The following DLGAP1 variants were observed in gnomAD, a reference collection of about 807,000 sequenced individuals.
DLGAP1 encodes disks large-associated protein 1.
In DLGAP1, 11 loss-of-function variants were observed where a neutral mutation model predicts 90.8. The ratio of observed to expected loss-of-function variants is 0.12; its 90% CI spans 0.08 to 0.20. The LOEUF is 0.20. Among genes scored for constraint, DLGAP1 ranks in the 10% least tolerant of loss-of-function variants. The probability of loss-of-function intolerance (pLI) is 1.00; values close to 1 mark genes in which losing one functional copy is unlikely to be tolerated. For missense variants in DLGAP1, 1,050 were observed against 1,333.8 expected (o/e 0.79, Z 3.31); for synonymous variants, 558 against 540.7 (o/e 1.03, Z -0.44).
chr18:4,122,174 T>A (rs772418473), intron 2 of DLGAP1, among the ~76,000 whole-genome samples: 1 of 152,182 alleles, frequency 6.6e-6, no homozygotes, highest in South Asian at 2.1e-4. Context: ...TAGAGAAAGT[T>A]GCATAGACAC....
intron 9 of DLGAP1, among the ~76,000 whole-genome samples, chr18:3,551,010 G>T (rs539233352): frequency 4.3e-4 from 66 of 151,968 alleles, no homozygotes; most frequent in Non-Finnish European, 7.9e-4. Flanking sequence ...CAAAGTGCTG[G>T]GATTACAGGC....
At chr18:4,034,912 GAAA>G (rs11337288) in intron 2 of DLGAP1, among the ~76,000 whole-genome samples, 2 of 143,944 alleles carry the variant, frequency 1.4e-5, no homozygotes, top group African/African-American at 2.6e-5. Flanking sequence ...ACCACCATTT[GAAA>G]AAAAAAAAAA....
intron 7 of DLGAP1, among the ~76,000 whole-genome samples, chr18:3,652,546 C>T (rs527405925): frequency 6.6e-6 from 1 of 152,136 alleles, no homozygotes; most frequent in Non-Finnish European, 1.5e-5. Flanking sequence ...CTGTGGCTCA[C>T]GGCCGTCTTG....
At chr18:3,855,365 A>G (rs2069576556) in intron 4 of DLGAP1, among the ~76,000 whole-genome samples, 1 of 152,134 alleles carries the variant, frequency 6.6e-6, no homozygotes, top group East Asian at 1.9e-4. Context: ...AATAATCTGT[A>G]CACCAAATCC....
intron 3 of DLGAP1, among the ~76,000 whole-genome samples, chr18:3,903,493 A>T (rs1349545582): frequency 2.0e-5 from 3 of 152,270 alleles, no homozygotes; most frequent in Non-Finnish European, 4.4e-5. Flanking sequence ...TGACTAGCAC[A>T]GTATTCATGC....
At chr18:4,121,028 T>G (rs533954522) in intron 2 of DLGAP1, among the ~76,000 whole-genome samples, 120 of 151,904 alleles carry the variant, frequency 7.9e-4, no homozygotes, top group Middle Eastern at 6.8e-3. Flanking sequence ...GCAAGATGAG[T>G]TCTGGTTATG....
chr18:3,591,759 G>C (rs373551087), intron 7 of DLGAP1, among the ~76,000 whole-genome samples: 1 of 152,008 alleles, frequency 6.6e-6, no homozygotes, highest in African/African-American at 2.4e-5. Context: ...GAAGAAAGGG[G>C]GGTTTTCAAT....
At chr18:3,896,411 G>C (rs1463718969) in intron 3 of DLGAP1, 4 of 152,208 alleles carry the variant, frequency 2.6e-5, no homozygotes, top group Non-Finnish European at 4.4e-5. Context: ...TAAAAGAAAA[G>C]ATGAATATAC....
intron 7 of DLGAP1, among the ~76,000 whole-genome samples, chr18:3,609,691 CAT>C (rs1202061773): frequency 7.9e-5 from 12 of 151,766 alleles, no homozygotes; most frequent in African/African-American, 2.9e-4. Flanking sequence ...TACCCTGTGA[CAT>C]ATAGGAATTA....
intron 1 of DLGAP1, among the ~76,000 whole-genome samples, chr18:4,429,196 G>A (rs2083225013): frequency 6.6e-6 from 1 of 152,080 alleles, no homozygotes; most frequent in South Asian, 2.1e-4. Context: ...TCTCTTCCAG[G>A]ATGAGTTAGA....
At chr18:4,349,986 T>C (rs1180636566) in intron 1 of DLGAP1, among the ~76,000 whole-genome samples, 2 of 152,192 alleles carry the variant, frequency 1.3e-5, no homozygotes, top group East Asian at 1.9e-4. Flanking sequence ...TCAGTTTTCA[T>C]AGTTTAAACG....
At chr18:3,656,773 C>T (rs2146529783) in intron 7 of DLGAP1, among the ~76,000 whole-genome samples, 1 of 151,886 alleles carries the variant, frequency 6.6e-6, no homozygotes, top group East Asian at 1.9e-4. Context: ...CGCTCTGTCA[C>T]CCAGGCTGGA....
chr18:4,404,641 T>C (rs1301458090), intron 1 of DLGAP1, among the ~76,000 whole-genome samples: 4 of 152,248 alleles, frequency 2.6e-5, no homozygotes, highest in Non-Finnish European at 5.9e-5. Context: ...CTGTATTTTC[T>C]TATTCTACAT....
intron 3 of DLGAP1, among the ~76,000 whole-genome samples, chr18:3,893,106 C>A (rs1232005217): frequency 2.0e-5 from 3 of 151,778 alleles, no homozygotes; most frequent in Admixed American, 6.6e-5. Flanking sequence ...TCTTTATGTC[C>A]ACGTGTACAC....
At position 4,084,336 on chromosome 18, in the gene DLGAP1, A is replaced by T. The variant is rs79640386; in HGVS notation, c.-159+66844T>A. ...GAAAAATGATTGTTTACCATAACTC[A>T]TTTAACAATCTTTCCATTGTTAAAA... is the stretch of plus-strand genomic sequence containing the variant. On this transcript the variant is annotated intron_variant, in intron 2 of 12. Transcript: ENST00000315677. The surrounding 1 kb of genome is among the most constrained non-coding windows in gnomAD (Gnocchi z 4.0). 0.067 allele frequency among the ~76,000 whole-genome samples: 10,195 copies of T among 152,270 alleles called. 484 individuals are homozygous for T. Among genetic ancestry groups the T allele is most frequent in the East Asian group, 0.25 (1,274 of 5,186 alleles).
chr18:4,412,054 C>A (rs1466627468), intron 1 of DLGAP1, among the ~76,000 whole-genome samples: 5 of 152,166 alleles, frequency 3.3e-5, no homozygotes, highest in Admixed American at 2.6e-4. Flanking sequence ...GTAAGACTAA[C>A]TACTACAGTC....
At chr18:4,374,519 A>T (rs1407183713) in intron 1 of DLGAP1, among the ~76,000 whole-genome samples, 1 of 152,168 alleles carries the variant, frequency 6.6e-6, no homozygotes, top group South Asian at 2.1e-4. Context: ...TTATGGCTAT[A>T]CAAGAGAAGA....
In DLGAP1 at chr18:4,082,036, T is replaced by C. The variant is rs372197816; in HGVS notation, c.-159+69144A>G. Among the ~76,000 whole-genome samples the C allele has an allele frequency of 5.3e-5, 8 of 151,958 alleles. 1 individual carries two copies. Among genetic ancestry groups the C allele is most frequent in the African/African-American group, 1.9e-4 (8 of 41,456 alleles). On this transcript the variant is annotated intron_variant, in intron 2 of 12. Transcript: ENST00000315677. The stretch of plus-strand genomic sequence containing the variant: ...CAGCCTGGCCAACATGGTGAAATAC[T>C]GTCTCTATTAAAAATACAAAAAGGC...
intron 4 of DLGAP1, among the ~76,000 whole-genome samples, chr18:3,867,897 GAAATA>G (rs1336820730): frequency 6.6e-6 from 1 of 152,192 alleles, no homozygotes; most frequent in Non-Finnish European, 1.5e-5. Flanking sequence ...CTTCTGGCAT[GAAATA>G]AAATGTTTCT....
Sources: allele counts gnomAD v4.1 joint callset (sites outside exome capture counted in the v4.1 genomes callset), GRCh38; gene constraint gnomAD v4.1.1; non-coding constraint Gnocchi (gnomAD v3.1); transcripts MANE v1.5; gene names NCBI Gene and HGNC (gene_info 2026-07-23, HGNC 2026-07-21).